GTPBP2: variants seen among roughly 807,000 people sequenced by gnomAD.
GTPBP2 encodes the protein GTP binding protein 2, also known as GTP-binding protein 2.
A neutral mutation model predicts 63.0 loss-of-function variants in GTPBP2; 32 were observed. That is an observed-to-expected ratio of 0.51 (90% CI 0.38 to 0.68). GTPBP2 has a LOEUF of 0.68. Ranked by LOEUF, GTPBP2 falls within the 30% of genes least tolerant of loss-of-function variation. The pLI is 0.00. For missense variants in GTPBP2, 492 were observed against 796.9 expected, an observed-to-expected ratio of 0.62 and a Z score of 4.61; for synonymous variants, 310 against 322.6, an observed-to-expected ratio of 0.96 and a Z score of 0.42.
upstream of GTPBP2, among the ~76,000 whole-genome samples, chr6:43,631,249 G>T (rs1769913372): frequency 6.6e-6 from 1 of 152,150 alleles, no homozygotes; most frequent in Non-Finnish European, 1.5e-5. Context: ...TGAAGGAAAG[G>T]TTATGCCGTA....
In GTPBP2 at chr6:43,629,118, G is replaced by T. The variant is rs1395140103; in HGVS notation, c.45C>A (p.Pro15=). 2.8e-5 allele frequency: 34 copies of T among 1,222,814 alleles called. No individual in the cohort carries two copies. Among genetic ancestry groups the T allele is most frequent in the Non-Finnish European group, 3.5e-5 (32 of 914,290 alleles). 75.7% of individuals were successfully genotyped at this position (1,222,814 alleles called of 1,614,324 possible). A position where few individuals can be genotyped will look rare whatever the true frequency, so the allele number is the denominator to read the frequency against. The change falls in exon 1 of 12, where the codon CCC becomes CCA. Residue 15 remains proline (P), a synonymous_variant. Coordinates refer to ENST00000307126, the MANE Select transcript of GTPBP2 (RefSeq NM_019096.5). ...VSELFGGCCR[P]GGGPAVGGTL... ...TTCCGCCCACGGCCGGGCCCCCTCC[G>T]GGCCGGCAGCAGCCGCCGAACAGCT...
chr6:43,622,088 G>A lies in GTPBP2; in HGVS notation c.1547C>T (p.Ala516Val). Residue 516 changes from alanine (A) to valine (V), a missense_variant, in exon 11 of 12, where the codon GCC (alanine) becomes GTC (valine). Coordinates refer to ENST00000307126, the MANE Select transcript of GTPBP2 (RefSeq NM_019096.5). This position sits in a 1 kb window ranked among gnomAD's most constrained non-coding sequence, Gnocchi z 5.4. ...FEAEIVLLFH[A>V]TTFRRGFQVT... ...CTGGAATCCTCGTCGGAAGGTGGTG[G>A]CATGGAACAGTAAGACTATCTCTGC... 3 of 1,614,058 alleles carry A rather than the reference G, an allele frequency of 1.9e-6. No individual in the cohort carries two copies. The highest frequency in any genetic ancestry group is 2.5e-6 in the Non-Finnish European group (3 of 1,179,932).
At position 43,624,523 on chromosome 6, in the gene GTPBP2, C is replaced by A. The variant is rs1769138815; in HGVS notation, c.1087G>T (p.Ala363Ser). The A allele has an allele frequency of 4.3e-6, 7 of 1,612,516 alleles. No homozygotes were observed. The highest frequency in any genetic ancestry group is 5.9e-6 in the Non-Finnish European group (7 of 1,179,280). ...DDAVTAAQQFAQSPNVTPIFT... is the reference protein window; with the variant it reads ...DDAVTAAQQFSQSPNVTPIFT... Reference sequence around the variant, plus strand: ...AGGTGGGCTTACTTGGGTGACTGAGCAAACTGCTGGGCAGCAGTGACGGCA... The same window carrying A: ...AGGTGGGCTTACTTGGGTGACTGAGAAAACTGCTGGGCAGCAGTGACGGCA... The change falls in exon 7 of 12, where the codon GCT becomes TCT. Residue 363 changes from alanine (A) to serine (S), a missense_variant. By Grantham distance (99) the Ala-to-Ser change is moderately conservative. Coordinates refer to ENST00000307126, the MANE Select transcript of GTPBP2 (RefSeq NM_019096.5). The surrounding 1 kb of genome is among the most constrained non-coding windows in gnomAD (Gnocchi z 5.1).
intron 1 of GTPBP2, 143 bp downstream of exon 1, chr6:43,628,834 G>A (rs753285457): frequency 1.1e-6 from 1 of 947,414 alleles, no homozygotes; most frequent in Non-Finnish European, 1.7e-6. Flanking sequence ...CCCGGGACCT[G>A]AAAGAGGTGT....
rs1317702443 is a variant in GTPBP2 at position 43,624,020 on chromosome 6, G to A, written c.1149C>T (p.Asp383=). 1.2e-6 allele frequency: 2 copies of A among 1,613,684 alleles called. No individual in the cohort carries two copies. Among genetic ancestry groups the A allele is most frequent in the Non-Finnish European group, 8.5e-7 (1 of 1,179,596 alleles). ...TLSSVSGESL[D]LLKVFLNILP... Reference sequence around the variant, plus strand: ...GAATATTCAGAAAGACTTTGAGGAGGTCCAGACTCTCTCCAGACACACTGG... The same window carrying A: ...GAATATTCAGAAAGACTTTGAGGAGATCCAGACTCTCTCCAGACACACTGG... Residue 383 remains aspartate (D), a synonymous_variant, in exon 8 of 12, where the codon GAC becomes GAT. Coordinates refer to ENST00000307126, the MANE Select transcript of GTPBP2 (RefSeq NM_019096.5). The surrounding 1 kb of genome is among the most constrained non-coding windows in gnomAD (Gnocchi z 5.1).
rs9369418 is a variant in GTPBP2 at position 43,626,785 on chromosome 6, G to A, written c.213+137C>T. On this transcript the variant is annotated intron_variant, in intron 2 of 11. Coordinates refer to ENST00000307126, the MANE Select transcript of GTPBP2 (RefSeq NM_019096.5). This position sits in a 1 kb window ranked among gnomAD's most constrained non-coding sequence, Gnocchi z 4.0. ...CTGAGGCAGGAGAATCTGAGATTGC[G>A]CCACTGCACTCCAGCCTAGGCAACA... The A allele has an allele frequency of 1.1e-5, 8 of 698,164 alleles. No homozygotes were observed. The highest frequency in any genetic ancestry group is 2.6e-5 in the East Asian group (1 of 38,298). 43.2% of individuals were successfully genotyped at this position (698,164 alleles called of 1,614,324 possible). A position where few individuals can be genotyped will look rare whatever the true frequency, so the allele number is the denominator to read the frequency against.
At position 43,629,179 on chromosome 6, in the gene GTPBP2, C is replaced by A; in HGVS notation, c.-17G>T. 7.2e-7 allele frequency: 1 copy of A among 1,387,926 alleles called. No homozygotes were observed. Among genetic ancestry groups the A allele is most frequent in the South Asian group, 1.6e-5 (1 of 60,812 alleles). 86.0% of individuals were successfully genotyped at this position (1,387,926 alleles called of 1,614,324 possible). On this transcript the variant is annotated 5_prime_UTR_variant, in exon 1 of 12. Transcript: ENST00000307126. ...CGAGTCCATCCGCCGCTGCCGCCAG[C>A]CCCCCGCCCGGCCCCTCCCCCGACC...
chr6:43,629,214 G>T lies in GTPBP2; in HGVS notation c.-52C>A. The T allele has an allele frequency of 9.0e-7, 1 of 1,105,686 alleles. No homozygotes were observed. The highest frequency in any genetic ancestry group is 1.1e-6 in the Non-Finnish European group (1 of 886,188). 68.5% of individuals were successfully genotyped at this position (1,105,686 alleles called of 1,614,324 possible). A position where few individuals can be genotyped will look rare whatever the true frequency, so the allele number is the denominator to read the frequency against. On this transcript the variant is annotated 5_prime_UTR_variant, in exon 1 of 12. Transcript: ENST00000307126. ...GGCCCCTCCCCCGACCGCCGCCGCCGTCGCCGCCGCCCTTACTGCCACTGC... is the reference window on the plus strand; with the variant it reads ...GGCCCCTCCCCCGACCGCCGCCGCCTTCGCCGCCGCCCTTACTGCCACTGC...
intron 1 of GTPBP2, chr6:43,628,744 G>A (rs1241672750): frequency 3.9e-6 from 3 of 766,532 alleles, no homozygotes; most frequent in Non-Finnish European, 7.2e-6. Context: ...TAGATCAGAA[G>A]GGGGAGTCCT....
At chr6:43,627,962 C>G (rs890589966) in intron 1 of GTPBP2, among the ~76,000 whole-genome samples, 15 of 152,158 alleles carry the variant, frequency 9.9e-5, no homozygotes, top group African/African-American at 3.6e-4. Flanking sequence ...GTCTAGGGCC[C>G]AGACCAATGG....
At chr6:43,627,789 C>T (rs1164521168) in intron 1 of GTPBP2, among the ~76,000 whole-genome samples, 1 of 152,242 alleles carries the variant, frequency 6.6e-6, no homozygotes, top group Non-Finnish European at 1.5e-5. Flanking sequence ...CCTATCATTC[C>T]ATCCCTTCAA....
chr6:43,630,197 A>C (rs1281287211), upstream of GTPBP2, among the ~76,000 whole-genome samples: 2 of 151,944 alleles, frequency 1.3e-5, no homozygotes, highest in African/African-American at 4.8e-5. Flanking sequence ...TTGGCTTTTG[A>C]CTCTCTTGTG....
At chr6:43,627,003 C>T in intron 1 of GTPBP2, 55 bp from the exon 2 acceptor site, 2 of 1,454,246 alleles carry the variant, frequency 1.4e-6, no homozygotes, top group Non-Finnish European at 1.9e-6. Flanking sequence ...ATCCCTACTT[C>T]CCCTCAATTC....
Position 43,622,122 on chromosome 6 carries a change from C to T in GTPBP2, c.1513G>A (p.Val505Met). The part of the protein sequence containing the change: ...SPEMNPTICS[V>M]FEAEIVLLFH... ...AGTAAGACTATCTCTGCCTCAAACA[C>T]CGAGCAGATGGTAGGATTCATCTCC... is the stretch of plus-strand genomic sequence containing the variant. Residue 505 changes from valine (V) to methionine (M), a missense_variant, in exon 11 of 12, where the codon GTG (valine) becomes ATG (methionine). Physicochemically the swap from Val to Met is conservative, Grantham distance 21 (BLOSUM62 1). Around this residue, in one of 2 missense-constraint regions of GTPBP2, gnomAD observed 400 missense variants for 710.8 expected, o/e 0.56. Transcript: ENST00000307126. This position sits in a 1 kb window ranked among gnomAD's most constrained non-coding sequence, Gnocchi z 5.4. 6.2e-7 allele frequency: 1 copy of T among 1,614,066 alleles called. No homozygotes were observed. The highest frequency in any genetic ancestry group is 8.5e-7 in the Non-Finnish European group (1 of 1,179,932).
Position 43,622,420 on chromosome 6 carries a change from A to G in GTPBP2, c.1467+213T>C, listed in dbSNP as rs1471884991. Among the ~76,000 whole-genome samples, 1 of 152,214 alleles carries G rather than the reference A, an allele frequency of 6.6e-6. No individual in the cohort carries two copies. Among genetic ancestry groups the G allele is most frequent in the Non-Finnish European group, 1.5e-5 (1 of 68,042 alleles). ...ACTAAAAATAGTGTTCATTAAAAACAGTGTAACATAGTGATTCATATTTAG... is the reference window on the plus strand; with the variant it reads ...ACTAAAAATAGTGTTCATTAAAAACGGTGTAACATAGTGATTCATATTTAG... On this transcript the variant is annotated intron_variant, in intron 10 of 11. Transcript: ENST00000307126. The surrounding 1 kb of genome is among the most constrained non-coding windows in gnomAD (Gnocchi z 5.4).
intron 1 of GTPBP2, 183 bp from the exon 2 acceptor site, chr6:43,627,131 T>C: frequency 1.6e-6 from 1 of 636,776 alleles, no homozygotes; most frequent in Non-Finnish European, 2.4e-6. Flanking sequence ...CAGCATAGCC[T>C]CTATGAAGGG....
At position 43,626,865 on chromosome 6, in the gene GTPBP2, C is replaced by T. The variant is rs1053714466; in HGVS notation, c.213+57G>A. On this transcript the variant is annotated intron_variant, in intron 2 of 11. Transcript: ENST00000307126. This position sits in a 1 kb window ranked among gnomAD's most constrained non-coding sequence, Gnocchi z 4.0. The stretch of plus-strand genomic sequence containing the variant: ...AGAAAGAAAGAAAAAAGAAATTATC[C>T]CACACTGGCAAGGACAACCTACCCC... 2.3e-6 allele frequency: 3 copies of T among 1,319,442 alleles called. No individual in the cohort carries two copies. The highest frequency in any genetic ancestry group is 3.2e-6 in the Non-Finnish European group (3 of 938,652). The allele number at this position is 1,319,442 out of a possible 1,614,324, so 81.7% of individuals were successfully genotyped here.
rs1206548453 is a variant in GTPBP2 at position 43,626,903 on chromosome 6, TC to T, written c.213+18del. ...GACAACCTACCCCAGCCCCTGCTTT[TC>T]CCCAGCCTAGGACTCACTTTATATT... On this transcript the variant is annotated intron_variant, in intron 2 of 11. Coordinates refer to ENST00000307126, the MANE Select transcript of GTPBP2 (RefSeq NM_019096.5). The surrounding 1 kb of genome is among the most constrained non-coding windows in gnomAD (Gnocchi z 4.0). 1.3e-6 allele frequency: 2 copies of T among 1,598,280 alleles called. No individual in the cohort carries two copies. Among genetic ancestry groups the T allele is most frequent in the Non-Finnish European group, 8.5e-7 (1 of 1,170,164 alleles).
Position 43,621,271 on chromosome 6 carries a change from C to G in GTPBP2, c.*343G>C, listed in dbSNP as rs550366581. 5 of 523,176 alleles carry G rather than the reference C, an allele frequency of 9.6e-6. No individual in the cohort carries two copies. Among genetic ancestry groups the G allele is most frequent in the Non-Finnish European group, 1.4e-5 (4 of 291,444 alleles). 32.4% of individuals were successfully genotyped at this position (523,176 alleles called of 1,614,324 possible). A position where few individuals can be genotyped will look rare whatever the true frequency, so the allele number is the denominator to read the frequency against. Reference sequence around the variant, plus strand: ...CATTCCTGAAGTGCAGAGACCACACCAGCAAAACATGCCCAGTCTTAGTAG... The same window carrying G: ...CATTCCTGAAGTGCAGAGACCACACGAGCAAAACATGCCCAGTCTTAGTAG... On this transcript the variant is annotated 3_prime_UTR_variant, in exon 12 of 12. Coordinates refer to ENST00000307126, the MANE Select transcript of GTPBP2 (RefSeq NM_019096.5).
Sources: allele counts gnomAD v4.1 joint callset (sites outside exome capture counted in the v4.1 genomes callset), GRCh38; gene constraint gnomAD v4.1.1; regional missense constraint gnomAD v4.1.1; non-coding constraint Gnocchi (gnomAD v3.1); transcripts MANE v1.5; gene names NCBI Gene and HGNC (gene_info 2026-07-23, HGNC 2026-07-21).